The following AFF2 variants were observed in gnomAD, a reference collection of about 807,000 sequenced individuals.
AFF2 encodes the protein AF4/FMR2 family member 2.
A neutral mutation model predicts 76.9 loss-of-function variants in AFF2; 14 were observed. That is an observed-to-expected ratio of 0.18 (90% CI 0.12 to 0.28). AFF2 has a LOEUF of 0.28. Among genes scored for constraint, AFF2 ranks in the 10% least tolerant of loss-of-function variants. The probability of loss-of-function intolerance (pLI) is 1.00; values close to 1 mark genes in which losing one functional copy is unlikely to be tolerated. For missense variants in AFF2, 868 were observed against 1,001.1 expected (o/e 0.87, Z 1.79); for synonymous variants, 398 against 366.7 (o/e 1.09, Z -0.98).
At chrX:148,746,406 T>C (rs2055421048) in intron 3 of AFF2, among the ~76,000 whole-genome samples, 1 of 112,089 alleles carries the variant, frequency 8.9e-6, no homozygotes, top group African/African-American at 3.2e-5. Context: ...AACTAGAGTG[T>C]TTTGGAAAGC....
intron 3 of AFF2, among the ~76,000 whole-genome samples, chrX:148,689,617 G>A (rs1412069706): frequency 9.0e-6 from 1 of 111,652 alleles, no homozygotes; most frequent in Non-Finnish European, 1.9e-5. Context: ...GATAGGCTGT[G>A]TTCAGGAAAT....
At chrX:148,572,145 A>T (rs1309242236) in intron 1 of AFF2, among the ~76,000 whole-genome samples, 2 of 111,766 alleles carry the variant, frequency 1.8e-5, no homozygotes, top group African/African-American at 6.5e-5. Flanking sequence ...TAATAAATAC[A>T]TGAAAAGACA....
chrX:148,547,697 G>A (rs1022326011), intron 1 of AFF2, among the ~76,000 whole-genome samples: 1 of 112,012 alleles, frequency 8.9e-6, no homozygotes, highest in Non-Finnish European at 1.9e-5. Context: ...ATAAATATGT[G>A]GGATGGTTAA....
chrX:148,757,258 A>G (rs181444879), intron 3 of AFF2, among the ~76,000 whole-genome samples: 1 of 112,098 alleles, frequency 8.9e-6, no homozygotes, highest in East Asian at 2.8e-4. Context: ...GCAAGGGTAG[A>G]GTTGAATAGT....
At position 148,623,600 on chromosome X, in the gene AFF2, A is replaced by AATATATATATATATAT. The variant is rs782158598; in HGVS notation, c.48-28394_48-28379dup. On this transcript the variant is annotated intron_variant, in intron 1 of 20. Coordinates refer to ENST00000370460, the MANE Select transcript of AFF2 (RefSeq NM_002025.4). Reference sequence around the variant, plus strand: ...TATATATGTCCCACTCAAACATTTGAATATATATATATATATATATTTAAC... The same window carrying AATATATATATATATAT: ...TATATATGTCCCACTCAAACATTTGAATATATATATATATATATATATATATATATATATATTTAAC... 5.4e-3 allele frequency among the ~76,000 whole-genome samples: 552 copies of AATATATATATATATAT among 101,421 alleles called. 3 individuals are homozygous for AATATATATATATATAT. Among genetic ancestry groups the AATATATATATATATAT allele is most frequent in the South Asian group, 8.4e-3 (19 of 2,255 alleles). 88.1% of individuals were successfully genotyped at this position (101,421 alleles called of 115,157 possible).
At chrX:148,555,139 TC>T (rs1569551189) in intron 1 of AFF2, among the ~76,000 whole-genome samples, 1 of 112,027 alleles carries the variant, frequency 8.9e-6, no homozygotes. Flanking sequence ...ATCATCTGGC[TC>T]CCAAGGTTCA....
intron 19 of AFF2, among the ~76,000 whole-genome samples, chrX:148,983,373 G>A (rs758439): frequency 0.56 from 61,869 of 110,352 alleles, 14,933 homozygotes; most frequent in East Asian, 0.87. Flanking sequence ...CCCTCAGGAC[G>A]GAGCTGAACT....
chrX:148,714,239 C>A (rs1359220899), intron 3 of AFF2, among the ~76,000 whole-genome samples: 3 of 111,932 alleles, frequency 2.7e-5, no homozygotes, highest in Non-Finnish European at 5.6e-5. Flanking sequence ...AATATGTAAA[C>A]TTTTGATTAA....
intron 1 of AFF2, among the ~76,000 whole-genome samples, chrX:148,537,831 C>T (rs1337423228): frequency 8.9e-6 from 1 of 111,791 alleles, no homozygotes; most frequent in Non-Finnish European, 1.9e-5. Context: ...AGGTAAAAGG[C>T]AGTGGGTTAG....
intron 1 of AFF2, among the ~76,000 whole-genome samples, chrX:148,504,257 G>C (rs781954050): frequency 9.0e-6 from 1 of 110,725 alleles, no homozygotes; most frequent in Non-Finnish European, 1.9e-5. Flanking sequence ...ACAAGCCAAG[G>C]TTCTTTGTGG....
rs541090944 is a variant in AFF2, at chrX:148,798,628, A to G, written c.1042-11248A>G. Among the ~76,000 whole-genome samples the G allele has an allele frequency of 5.3e-5, 6 of 112,538 alleles. No homozygotes were observed. The South Asian group carries it at 1.8e-3, about 34-fold the overall frequency. On this transcript the variant is annotated intron_variant, in intron 3 of 20. Transcript: ENST00000370460. ...ATGTGTTGTGCTTGTACCTGAAATT[A>G]TAAATGCCTGCCAGGTATCTGTTTA... is the stretch of plus-strand genomic sequence containing the variant.
At chrX:148,736,764 C>A (rs1400104775) in intron 3 of AFF2, among the ~76,000 whole-genome samples, 1 of 111,715 alleles carries the variant, frequency 9.0e-6, no homozygotes, top group Non-Finnish European at 1.9e-5. Flanking sequence ...GATTTAAGTT[C>A]TTAATCCATC....
At chrX:148,607,514 G>A (rs2053683933) in intron 1 of AFF2, among the ~76,000 whole-genome samples, 1 of 111,493 alleles carries the variant, frequency 9.0e-6, no homozygotes, top group Non-Finnish European at 1.9e-5. Context: ...CTTTCACCAT[G>A]ATTATGAGGC....
At chrX:148,519,728 A>G (rs2052575406) in intron 1 of AFF2, among the ~76,000 whole-genome samples, 2 of 111,893 alleles carry the variant, frequency 1.8e-5, no homozygotes, top group Non-Finnish European at 1.9e-5. Context: ...CACACTGTAT[A>G]TACAAACATA....
chrX:148,799,891 T>A (rs782375216), intron 3 of AFF2, among the ~76,000 whole-genome samples: 12 of 111,611 alleles, frequency 1.1e-4, no homozygotes, highest in Non-Finnish European at 2.3e-4. Flanking sequence ...TAATTAGATC[T>A]TGCATTTGAG....
intron 1 of AFF2, among the ~76,000 whole-genome samples, chrX:148,519,523 A>G (rs1418314702): frequency 1.8e-5 from 2 of 112,332 alleles, no homozygotes; most frequent in Non-Finnish European, 3.8e-5. Context: ...AGAAAACCAG[A>G]AAGAGTGTTT....
intron 1 of AFF2, among the ~76,000 whole-genome samples, chrX:148,513,309 G>A (rs2052502186): frequency 8.9e-6 from 1 of 111,799 alleles, no homozygotes. Flanking sequence ...TTTGTGCTGT[G>A]AATGCTGCAG....
chrX:148,747,059 A>G (rs1763669721), intron 3 of AFF2, among the ~76,000 whole-genome samples: 1 of 112,141 alleles, frequency 8.9e-6, no homozygotes, highest in South Asian at 3.7e-4. Context: ...CAATGACCCC[A>G]TGATTTCTAC....
chrX:148,976,900 A>G (rs782567954), intron 16 of AFF2, among the ~76,000 whole-genome samples: 1 of 112,556 alleles, frequency 8.9e-6, no homozygotes, highest in Non-Finnish European at 1.9e-5. Flanking sequence ...TTCCTGGAAA[A>G]TGTTCACTCA....
Sources: gnomAD v4.1 joint callset for allele counts (sites outside exome capture counted in the v4.1 genomes callset) on GRCh38, gnomAD v4.1.1 for gene constraint, MANE v1.5 for transcripts, NCBI Gene and HGNC (gene_info 2026-07-23, HGNC 2026-07-21) for gene names.